PTPRD: variants seen among roughly 807,000 people sequenced by gnomAD.
PTPRD encodes protein tyrosine phosphatase receptor type D.
In PTPRD, 34 loss-of-function variants were observed where a neutral mutation model predicts 214.5. That is an observed-to-expected ratio of 0.16 (90% CI 0.12 to 0.21). PTPRD has a LOEUF of 0.21. PTPRD is among the 10% of genes least tolerant of loss of function. The pLI is 1.00. For missense variants in PTPRD, 2,545 were observed against 2,398.7 expected, an observed-to-expected ratio of 1.06 and a Z score of -1.27; for synonymous variants, 1,128 against 845.7, an observed-to-expected ratio of 1.33 and a Z score of -5.79.
chr9:9,451,108 A>G (rs562468919), intron 8 of PTPRD, among the ~76,000 whole-genome samples: 1 of 151,858 alleles, frequency 6.6e-6, no homozygotes, highest in African/African-American at 2.4e-5. Context: ...TAAATGCCAA[A>G]GTCAGCATTA....
chr9:9,017,992 A>G (rs1310474467), intron 11 of PTPRD, among the ~76,000 whole-genome samples: 7 of 152,056 alleles, frequency 4.6e-5, no homozygotes, highest in South Asian at 2.1e-4. Flanking sequence ...AATATTTACA[A>G]TGAAGTGCAA....
At chr9:9,824,198 G>A (rs2051846810) in intron 5 of PTPRD, among the ~76,000 whole-genome samples, 1 of 151,610 alleles carries the variant, frequency 6.6e-6, no homozygotes, top group Admixed American at 6.6e-5. Context: ...AAAAAATTCA[G>A]AAATCCAAAA....
intron 2 of PTPRD, among the ~76,000 whole-genome samples, chr9:10,505,519 A>C (rs1179780277): frequency 6.6e-6 from 1 of 152,160 alleles, no homozygotes; most frequent in Non-Finnish European, 1.5e-5. Flanking sequence ...GTAATCAAGA[A>C]ACAACTGAAA....
chr9:8,729,642 T>C (rs1598190679), intron 12 of PTPRD, among the ~76,000 whole-genome samples: 2 of 152,162 alleles, frequency 1.3e-5, no homozygotes, highest in Non-Finnish European at 2.9e-5. Context: ...ATCACCGTCA[T>C]CCACATTTTA....
chr9:9,593,044 A>G (rs1487103325), intron 7 of PTPRD, among the ~76,000 whole-genome samples: 1 of 151,600 alleles, frequency 6.6e-6, no homozygotes, highest in Non-Finnish European at 1.5e-5. Flanking sequence ...GACTCTGTCA[A>G]AAAGAGAAAG....
At chr9:9,896,028 A>G (rs1222582256) in intron 5 of PTPRD, among the ~76,000 whole-genome samples, 1 of 152,008 alleles carries the variant, frequency 6.6e-6, no homozygotes, top group Non-Finnish European at 1.5e-5. Flanking sequence ...TGCAAACGAG[A>G]TGACTACAAA....
At chr9:9,583,948 C>T (rs1363028995) in intron 7 of PTPRD, among the ~76,000 whole-genome samples, 2 of 152,020 alleles carry the variant, frequency 1.3e-5, no homozygotes, top group Non-Finnish European at 2.9e-5. Context: ...TCTCTTCTTC[C>T]TTCATCCTTA....
At chr9:8,945,818 A>C (rs1347118577) in intron 11 of PTPRD, among the ~76,000 whole-genome samples, 2 of 152,104 alleles carry the variant, frequency 1.3e-5, no homozygotes, top group African/African-American at 4.8e-5. Context: ...AGCTAAACCA[A>C]ATTCTATACT....
At chr9:9,432,514 G>A (rs1205994962) in intron 8 of PTPRD, among the ~76,000 whole-genome samples, 1 of 152,124 alleles carries the variant, frequency 6.6e-6, no homozygotes, top group Non-Finnish European at 1.5e-5. Flanking sequence ...ACAAGAAATA[G>A]CCTAATTTTG....
chr9:10,312,514 C>A (rs2096294555), intron 3 of PTPRD, among the ~76,000 whole-genome samples: 2 of 151,834 alleles, frequency 1.3e-5, no homozygotes, highest in Admixed American at 6.6e-5. Context: ...AAAAACCTAT[C>A]ATAAGAAGTT....
chr9:9,826,105 C>T (rs2153587664), intron 5 of PTPRD, among the ~76,000 whole-genome samples: 1 of 151,710 alleles, frequency 6.6e-6, no homozygotes, highest in East Asian at 1.9e-4. Flanking sequence ...GTATGTTGGT[C>T]TTCCTTGTGT....
chr9:10,186,287 A>C (rs2099329876), intron 3 of PTPRD, among the ~76,000 whole-genome samples: 1 of 152,220 alleles, frequency 6.6e-6, no homozygotes, highest in South Asian at 2.1e-4. Flanking sequence ...CATAATTTGT[A>C]AATTTAAATT....
intron 2 of PTPRD, among the ~76,000 whole-genome samples, chr9:10,513,280 G>A (rs1237932428): frequency 2.6e-5 from 4 of 152,040 alleles, no homozygotes; most frequent in Admixed American, 2.0e-4. Flanking sequence ...TTACCAGTAT[G>A]AGGAATATCA....
intron 2 of PTPRD, among the ~76,000 whole-genome samples, chr9:10,561,692 T>G (rs1190223248): frequency 6.6e-6 from 1 of 152,124 alleles, no homozygotes; most frequent in African/African-American, 2.4e-5. Context: ...GACATAATCT[T>G]TCTATCCTCA....
intron 8 of PTPRD, among the ~76,000 whole-genome samples, chr9:9,432,707 C>A (rs72702600): frequency 0.062 from 9,507 of 152,226 alleles, 334 homozygotes; most frequent in Middle Eastern, 0.17. Context: ...CTAAGCAATA[C>A]ATATGGACTT....
chr9:8,963,844 G>T (rs1236533544), intron 11 of PTPRD, among the ~76,000 whole-genome samples: 1 of 151,998 alleles, frequency 6.6e-6, no homozygotes, highest in African/African-American at 2.4e-5. Flanking sequence ...AAATTCCTGG[G>T]TTCAAGGAGT....
At chr9:9,618,925 A>C (rs1200280355) in intron 7 of PTPRD, among the ~76,000 whole-genome samples, 1 of 152,200 alleles carries the variant, frequency 6.6e-6, no homozygotes, top group Non-Finnish European at 1.5e-5. Context: ...CTCTGAAGGT[A>C]GTTGAGAATA....
At chr9:9,799,524 C>G (rs2099024952) in intron 5 of PTPRD, 1 of 152,170 alleles carries the variant, frequency 6.6e-6, no homozygotes, top group Non-Finnish European at 1.5e-5. Context: ...GAATGATACA[C>G]TGTGTTTCCT....
chr9:10,208,358 CA>C (rs778758315), intron 3 of PTPRD, among the ~76,000 whole-genome samples: 1 of 152,060 alleles, frequency 6.6e-6, no homozygotes, highest in Non-Finnish European at 1.5e-5. Context: ...ACTAAAAATA[CA>C]AAAAATTAGC....
Sources: gnomAD v4.1 joint callset for allele counts (sites outside exome capture counted in the v4.1 genomes callset) on GRCh38, gnomAD v4.1.1 for gene constraint, MANE v1.5 for transcripts, NCBI Gene and HGNC (gene_info 2026-07-23, HGNC 2026-07-21) for gene names.